GAS7: variants seen among roughly 807,000 people sequenced by gnomAD.
The protein encoded by GAS7 is growth arrest-specific protein 7.
In GAS7, 28 loss-of-function variants were observed where a neutral mutation model predicts 71.1. The ratio of observed to expected loss-of-function variants is 0.39; its 90% CI spans 0.29 to 0.54. The LOEUF (loss-of-function observed/expected upper bound fraction) is 0.54, where lower values mean the gene tolerates loss of function less well. Ranked by LOEUF, GAS7 falls within the 20% of genes least tolerant of loss-of-function variation. The probability of loss-of-function intolerance (pLI) is 0.62; values close to 1 mark genes in which losing one functional copy is unlikely to be tolerated. For synonymous variants in GAS7, 258 were observed against 245.8 expected, an observed-to-expected ratio of 1.05 and a Z score of -0.46; for missense variants, 436 against 627.8, an observed-to-expected ratio of 0.69 and a Z score of 3.27.
At chr17:10,070,415 G>A (rs1369617161) in intron 1 of GAS7, among the ~76,000 whole-genome samples, 5 of 146,560 alleles carry the variant, frequency 3.4e-5, no homozygotes, top group African/African-American at 1.3e-4. Flanking sequence ...CCAGGCTGGA[G>A]TGCAGTGGCA....
chr17:10,119,570 TCTC>T (rs1343178512), intron 1 of GAS7, among the ~76,000 whole-genome samples: 2 of 152,164 alleles, frequency 1.3e-5, no homozygotes, highest in Non-Finnish European at 2.9e-5. Context: ...AAGGCCCACT[TCTC>T]TCCTCCTTCC....
chr17:10,051,298 T>G (rs2073058248), intron 1 of GAS7, among the ~76,000 whole-genome samples: 1 of 152,216 alleles, frequency 6.6e-6, no homozygotes, highest in South Asian at 2.1e-4. Flanking sequence ...GTCACTCATG[T>G]TGCCCGGACT....
At chr17:10,113,108 G>C (rs145994270) in intron 1 of GAS7, among the ~76,000 whole-genome samples, 1,569 of 152,182 alleles carry the variant, frequency 0.01, 70 homozygotes, top group Admixed American at 0.076. Context: ...ATAGAGTGGG[G>C]GAGCCATGGG....
At chr17:10,009,316 G>A (rs1287350901) in intron 2 of GAS7, among the ~76,000 whole-genome samples, 5 of 66,524 alleles carry the variant, frequency 7.5e-5, no homozygotes, top group African/African-American at 3.8e-4. Flanking sequence ...GCGAGACTCC[G>A]TCAAAAAAAA....
chr17:10,112,709 A>T (rs558812464), intron 1 of GAS7, among the ~76,000 whole-genome samples: 1 of 151,142 alleles, frequency 6.6e-6, no homozygotes, highest in East Asian at 2.0e-4. Context: ...AGTGCACTCC[A>T]GCCTGGGCCA....
rs2069409061 is a variant in GAS7 at position 9,959,838 on chromosome 17, T to G, written c.472-583A>C. The stretch of plus-strand genomic sequence containing the variant: ...TCCAGCTTCCACTCAGTCTTTATAT[T>G]GCCTTTTGATGTCTTCCACCGCCAG... On this transcript the variant is annotated intron_variant, in intron 4 of 13. Coordinates refer to ENST00000432992, the MANE Select transcript of GAS7 (RefSeq NM_201433.2). The surrounding 1 kb of genome is among the most constrained non-coding windows in gnomAD (Gnocchi z 5.0). Among the ~76,000 whole-genome samples, 1 of 149,738 alleles carries G rather than the reference T, an allele frequency of 6.7e-6. No homozygotes were observed. Among genetic ancestry groups the G allele is most frequent in the Admixed American group, 6.7e-5 (1 of 14,944 alleles).
At position 10,095,918 on chromosome 17, in the gene GAS7, C is replaced by T. The variant is rs187887060; in HGVS notation, c.184-76021G>A. ...TCCTTTCCCTTCCTTTGCAGAATGACGTGTTCTCTGAAGTCACTGATCCAC... is the reference window on the plus strand; with the variant it reads ...TCCTTTCCCTTCCTTTGCAGAATGATGTGTTCTCTGAAGTCACTGATCCAC... On this transcript the variant is annotated intron_variant, in intron 1 of 13. Transcript: ENST00000432992. Among the ~76,000 whole-genome samples the T allele has an allele frequency of 3.3e-5, 5 of 152,238 alleles. No homozygotes were observed. The East Asian group carries it at 7.7e-4, about 24-fold the overall frequency.
chr17:10,167,216 C>T (rs1249636534), intron 1 of GAS7, among the ~76,000 whole-genome samples: 2 of 151,694 alleles, frequency 1.3e-5, no homozygotes, highest in Non-Finnish European at 2.9e-5. Context: ...CACCACCACG[C>T]CCGGCTAATT....
At chr17:9,955,074 A>G (rs1009603910) in intron 5 of GAS7, among the ~76,000 whole-genome samples, 2 of 151,706 alleles carry the variant, frequency 1.3e-5, no homozygotes, top group Non-Finnish European at 2.9e-5. Context: ...GTCCAGAACC[A>G]GCTTCCTAAT....
intron 7 of GAS7, 152 bp from the exon 8 acceptor site, chr17:9,940,352 T>G: frequency 1.5e-6 from 1 of 686,068 alleles, no homozygotes; most frequent in East Asian, 2.5e-5. Flanking sequence ...TGACATGCAG[T>G]AGGTGCTTAA....
At chr17:10,040,637 C>T (rs1435866887) in intron 1 of GAS7, among the ~76,000 whole-genome samples, 1 of 151,158 alleles carries the variant, frequency 6.6e-6, no homozygotes, top group Non-Finnish European at 1.5e-5. Context: ...AATGCTCAAG[C>T]CTACACTTGC....
chr17:9,969,764 T>C lies in GAS7; in HGVS notation c.386-2A>G, dbSNP rs747422578. 1 of 1,599,412 alleles carries C rather than the reference T, an allele frequency of 6.3e-7. No homozygotes were observed. Among genetic ancestry groups the C allele is most frequent in the East Asian group, 2.2e-5 (1 of 44,816 alleles). On this transcript the variant is annotated splice_acceptor_variant, in intron 3 of 13. Coordinates refer to ENST00000432992, the MANE Select transcript of GAS7 (RefSeq NM_201433.2). LOFTEE classifies it high-confidence loss of function. The surrounding 1 kb of genome is among the most constrained non-coding windows in gnomAD (Gnocchi z 5.5). The stretch of plus-strand genomic sequence containing the variant: ...TCCCTGATGCGTGGTATCCATTCAC[T>C]GCAGGGACAGAGACACGGCTCAGAT...
intron 2 of GAS7, among the ~76,000 whole-genome samples, chr17:9,983,809 T>C (rs1337563539): frequency 6.6e-6 from 1 of 152,012 alleles, no homozygotes; most frequent in Admixed American, 6.6e-5. Context: ...ACAAATAAAA[T>C]AAAAATAAAT....
At chr17:10,194,106 G>A (rs1452801340) in intron 1 of GAS7, among the ~76,000 whole-genome samples, 1 of 152,174 alleles carries the variant, frequency 6.6e-6, no homozygotes, top group East Asian at 1.9e-4. Context: ...TTCTAGTTGT[G>A]CCAGCAAACA....
At position 9,954,881 on chromosome 17, in the gene GAS7, C is replaced by G. The variant is rs535409205; in HGVS notation, c.525+4321G>C. Among the ~76,000 whole-genome samples the G allele has an allele frequency of 1.1e-4, 17 of 152,118 alleles. No individual in the cohort carries two copies. In the East Asian group the frequency reaches 2.7e-3, roughly 24 times the overall value. On this transcript the variant is annotated intron_variant, in intron 5 of 13. Coordinates refer to ENST00000432992, the MANE Select transcript of GAS7 (RefSeq NM_201433.2). The stretch of plus-strand genomic sequence containing the variant: ...TGGGATGGAAGATGGAAGAACAGTC[C>G]CTTCGGAGAGAGGGAGGCAGTGGCA...
chr17:10,094,795 C>T (rs2073623911), intron 1 of GAS7, among the ~76,000 whole-genome samples: 1 of 152,098 alleles, frequency 6.6e-6, no homozygotes, highest in African/African-American at 2.4e-5. Context: ...AACAGTGATG[C>T]TAAAAACCTG....
At chr17:10,020,154 C>T in intron 1 of GAS7, 1 of 388,398 alleles carries the variant, frequency 2.6e-6, no homozygotes, top group Non-Finnish European at 4.8e-6. Flanking sequence ...AAATGCCATT[C>T]AGCTAATGGA....
chr17:9,928,847 TAGAG>T (rs1179086378), intron 9 of GAS7, among the ~76,000 whole-genome samples: 2 of 152,198 alleles, frequency 1.3e-5, no homozygotes, highest in African/African-American at 4.8e-5. Flanking sequence ...TCTGTGTTTG[TAGAG>T]AGAATGACAA....
chr17:10,016,701 G>A (rs1279163035), intron 2 of GAS7, among the ~76,000 whole-genome samples: 1 of 148,634 alleles, frequency 6.7e-6, no homozygotes, highest in Non-Finnish European at 1.5e-5. Flanking sequence ...ATTACTTGAG[G>A]CCAAGAATTC....
Sources: allele counts gnomAD v4.1 joint callset (sites outside exome capture counted in the v4.1 genomes callset), GRCh38; gene constraint gnomAD v4.1.1; non-coding constraint Gnocchi (gnomAD v3.1); transcripts MANE v1.5; gene names NCBI Gene and HGNC (gene_info 2026-07-23, HGNC 2026-07-21).